The following ABCA13 variants were observed in gnomAD, a reference collection of about 807,000 sequenced individuals.
ABCA13 encodes the protein ATP binding cassette subfamily A member 13.
In ABCA13, 476 loss-of-function variants were observed where a neutral mutation model predicts 478.7. That is an observed-to-expected ratio of 0.99 (90% CI 0.92 to 1.07). ABCA13 has a LOEUF of 1.07. ABCA13 is among the 50% of genes least tolerant of loss of function. The pLI is 0.00. For synonymous variants in ABCA13, 2,252 were observed against 2,158.9 expected (o/e 1.04, Z -1.20); for missense variants, 6,060 against 5,910.6 (o/e 1.03, Z -0.83).
chr7:48,634,930 A>C (rs1243549637), intron 59 of ABCA13, among the ~76,000 whole-genome samples: 1 of 152,166 alleles, frequency 6.6e-6, no homozygotes, highest in East Asian at 1.9e-4. Context: ...TCATTGCTGT[A>C]TTGTTTTCAA....
intron 2 of ABCA13, among the ~76,000 whole-genome samples, 184 bp downstream of exon 2, chr7:48,193,236 A>G (rs535147792): frequency 6.6e-6 from 1 of 152,358 alleles, no homozygotes; most frequent in Non-Finnish European, 1.5e-5. Context: ...TTGTCTTTTA[A>G]GAATGATATT....
Position 48,314,213 on chromosome 7 carries a change from A to G in ABCA13, c.9682-19A>G, listed in dbSNP as rs756059916. 3.9e-5 allele frequency: 62 copies of G among 1,604,996 alleles called. No homozygotes were observed. The highest frequency in any genetic ancestry group is 3.3e-4 in the Middle Eastern group (2 of 6,036). On this transcript the variant is annotated intron_variant, in intron 25 of 61. Transcript: ENST00000435803. ...TTAAGTCACTATGTAATTGCAATTT[A>G]GTTTTCTTATTTTCTCAGGTTTCAC...
At chr7:48,410,767 C>T in intron 40 of ABCA13, 90 bp downstream of exon 40, 4 of 1,509,514 alleles carry the variant, frequency 2.6e-6, no homozygotes, top group Non-Finnish European at 3.6e-6. Flanking sequence ...GTAATAACGT[C>T]TCAGTGGAGG....
In ABCA13 at chr7:48,274,820, C is replaced by T. The variant is rs781765004; in HGVS notation, c.5154C>T (p.Asp1718=). The part of the protein sequence containing the change: ...LLVGLMEKFA[D]SSHSWNVNHL... Reference sequence around the variant, plus strand: ...TTGGCTTGATGGAAAAATTTGCAGACAGCTCACATTCTTGGAATGTTAATC... The same window carrying T: ...TTGGCTTGATGGAAAAATTTGCAGATAGCTCACATTCTTGGAATGTTAATC... Residue 1718 remains aspartate, a synonymous_variant, in exon 17 of 62, where the codon GAC becomes GAT. Transcript: ENST00000435803. 6.2e-7 allele frequency: 1 copy of T among 1,613,966 alleles called. No homozygotes were observed. The highest frequency in any genetic ancestry group is 8.5e-7 in the Non-Finnish European group (1 of 1,179,864).
rs774000821 is a variant in ABCA13, at chr7:48,483,125, G to A, written c.13144G>A (p.Ala4382Thr). The A allele has an allele frequency of 7.4e-6, 12 of 1,613,116 alleles. No homozygotes were observed. The African/African-American group carries it at 1.5e-4, about 20-fold the overall frequency. ...GLKIPSEAGG[A>T]NGNISKPPTL... Reference sequence around the variant, plus strand: ...AAAAATCCCCAGTGAAGCTGGAGGTGCAAATGGAAACATATCAAAACCCCC... The same window carrying A: ...AAAAATCCCCAGTGAAGCTGGAGGTACAAATGGAAACATATCAAAACCCCC... Residue 4382 changes from alanine (A) to threonine (T), a missense_variant, in exon 47 of 62, where the codon GCA becomes ACA. By Grantham distance (58) the Ala-to-Thr change is moderately conservative. Around this residue, in one of 3 missense-constraint regions of ABCA13, gnomAD observed 1,627 missense variants for 1,571.0 expected, o/e 1.04. Coordinates refer to ENST00000435803, the MANE Select transcript of ABCA13 (RefSeq NM_152701.5).
chr7:48,612,288 T>TG (rs1238528814), intron 58 of ABCA13: 3 of 152,234 alleles, frequency 2.0e-5, no homozygotes, highest in African/African-American at 7.2e-5. Context: ...TTGAGGTGCA[T>TG]GGAAGGCTGA....
At chr7:48,629,575 CAAAAAAAAAA>C (rs11392411) in intron 59 of ABCA13, among the ~76,000 whole-genome samples, 1 of 66,958 alleles carries the variant, frequency 1.5e-5, no homozygotes, top group Admixed American at 1.8e-4. Flanking sequence ...TACATTTTGG[CAAAAAAAAAA>C]AAAAAAAAAA....
intron 55 of ABCA13, among the ~76,000 whole-genome samples, chr7:48,578,518 G>T (rs116618542): frequency 0.01 from 1,549 of 152,200 alleles, 31 homozygotes; most frequent in African/African-American, 0.035. Flanking sequence ...AACAAATTAT[G>T]TGAGGAAAAC....
intron 58 of ABCA13, among the ~76,000 whole-genome samples, chr7:48,609,308 A>G (rs998979558): frequency 6.6e-6 from 1 of 152,048 alleles, no homozygotes; most frequent in African/African-American, 2.4e-5. Flanking sequence ...TTCACATTAA[A>G]TATATATATA....
At chr7:48,217,279 T>C (rs1786628938) in intron 3 of ABCA13, among the ~76,000 whole-genome samples, 1 of 152,220 alleles carries the variant, frequency 6.6e-6, no homozygotes, top group African/African-American at 2.4e-5. Flanking sequence ...GAGAATTACT[T>C]CTGCCTTTGG....
chr7:48,273,982 CTT>C lies in ABCA13; in HGVS notation c.4317_4318del (p.Trp1440GlyfsTer28), dbSNP rs1795961801. The C allele has an allele frequency of 1.2e-6, 2 of 1,609,284 alleles. No homozygotes were observed. The highest frequency in any genetic ancestry group is 2.2e-5 in the South Asian group (2 of 90,466). ...ATGAACTCTATATTAAAAATTGTAA[CTT>C]GGGTGTTAAATATAAAAAAACCTCT... is the stretch of plus-strand genomic sequence containing the variant. On this transcript the variant is annotated frameshift_variant, in exon 17 of 62. Coordinates refer to ENST00000435803, the MANE Select transcript of ABCA13 (RefSeq NM_152701.5). LOFTEE classifies it high-confidence loss of function.
chr7:48,365,895 A>G (rs1297048943), intron 31 of ABCA13, among the ~76,000 whole-genome samples: 1 of 152,154 alleles, frequency 6.6e-6, no homozygotes, highest in Non-Finnish European at 1.5e-5. Context: ...CTTATTGATT[A>G]AAAAAATTGT....
chr7:48,533,120 A>C lies in ABCA13; in HGVS notation c.14354+4775A>C, dbSNP rs192997590. Among the ~76,000 whole-genome samples the C allele has an allele frequency of 1.4e-4, 21 of 152,026 alleles. No individual in the cohort carries two copies. The East Asian group carries it at 3.1e-3, about 22-fold the overall frequency. On this transcript the variant is annotated intron_variant, in intron 55 of 61. Coordinates refer to ENST00000435803, the MANE Select transcript of ABCA13 (RefSeq NM_152701.5). ...TGTTTGTGCTCTTTCAGATGTTTTG[A>C]TGTAGGCATTTAAGGCTATGAGCTT...
chr7:48,216,705 A>G (rs894375009), intron 3 of ABCA13, among the ~76,000 whole-genome samples: 2 of 151,810 alleles, frequency 1.3e-5, no homozygotes, highest in Non-Finnish European at 2.9e-5. Context: ...CTTCTGAGTT[A>G]TACAGTTTAG....
At position 48,350,815 on chromosome 7, in the gene ABCA13, G is replaced by C; in HGVS notation, c.10377G>C (p.Leu3459Phe). The change falls in exon 30 of 62, where the codon TTG becomes TTC. Residue 3459 changes from leucine to phenylalanine, a missense_variant. By Grantham distance (22) the Leu-to-Phe change is conservative. This residue lies in a region of ABCA13 where 4,423 missense variants were observed against 4,309.1 expected (regional missense o/e 1.03). Transcript: ENST00000435803. ...AHELLQQNSF[L>F]ASIIFSNSLF... ...AACTCTTGCAGCAGAACAGCTTCTT[G>C]GCCAGTAAGTACTCAATGAAAAAAT... is the stretch of plus-strand genomic sequence containing the variant. 1 of 1,613,202 alleles carries C rather than the reference G, an allele frequency of 6.2e-7. No individual in the cohort carries two copies. Among genetic ancestry groups the C allele is most frequent in the Non-Finnish European group, 8.5e-7 (1 of 1,179,490 alleles).
intron 29 of ABCA13, among the ~76,000 whole-genome samples, chr7:48,349,246 C>T (rs899220853): frequency 7.2e-5 from 11 of 152,192 alleles, no homozygotes; most frequent in South Asian, 4.1e-4. Flanking sequence ...ATGTCTTGGC[C>T]TGAGATCGGC....
In ABCA13 at chr7:48,403,873, C is replaced by G; in HGVS notation, c.12064C>G (p.Arg4022Gly). 6 of 1,612,752 alleles carry G rather than the reference C, an allele frequency of 3.7e-6. No homozygotes were observed. ...HSLWDILLKYREGRTIIFTTH... is the reference protein window; with the variant it reads ...HSLWDILLKYGEGRTIIFTTH... ...CCTGTGGGACATTCTGCTCAAGTACCGAGAAGGTAGGCACTGGGCCTCATT... is the reference window on the plus strand; with the variant it reads ...CCTGTGGGACATTCTGCTCAAGTACGGAGAAGGTAGGCACTGGGCCTCATT... Residue 4022 changes from arginine (R) to glycine (G), a missense_variant, in exon 39 of 62, where the codon CGA (arginine) becomes GGA (glycine). By Grantham distance (125) the Arg-to-Gly change is moderately radical. Around this residue, in one of 3 missense-constraint regions of ABCA13, gnomAD observed 1,627 missense variants for 1,571.0 expected, o/e 1.04. Transcript: ENST00000435803.
chr7:48,539,693 C>T (rs1376252933), intron 55 of ABCA13, among the ~76,000 whole-genome samples: 6 of 152,038 alleles, frequency 3.9e-5, no homozygotes, highest in South Asian at 2.1e-4. Context: ...TTTTTATTCT[C>T]TCGACATTCT....
chr7:48,407,024 G>A (rs1423916117), intron 39 of ABCA13, among the ~76,000 whole-genome samples: 1 of 152,080 alleles, frequency 6.6e-6, no homozygotes, highest in Non-Finnish European at 1.5e-5. Context: ...TTCTTTGGAA[G>A]TTTATTCATT....
Sources: allele counts gnomAD v4.1 joint callset (sites outside exome capture counted in the v4.1 genomes callset), GRCh38; gene constraint gnomAD v4.1.1; regional missense constraint gnomAD v4.1.1; transcripts MANE v1.5; gene names NCBI Gene and HGNC (gene_info 2026-07-23, HGNC 2026-07-21).